INPP4B: variants seen among roughly 807,000 people sequenced by gnomAD.
The protein encoded by INPP4B is inositol polyphosphate-4-phosphatase type II B.
In INPP4B, 55 loss-of-function variants were observed where a neutral mutation model predicts 122.5. The ratio of observed to expected loss-of-function variants is 0.45; its 90% CI spans 0.36 to 0.56. The LOEUF (loss-of-function observed/expected upper bound fraction) is 0.56. Among genes scored for constraint, INPP4B ranks in the 20% least tolerant of loss-of-function variants. The pLI is 0.00. For synonymous variants in INPP4B, 403 were observed against 388.7 expected, an observed-to-expected ratio of 1.04 and a Z score of -0.43; for missense variants, 1,000 against 1,097.7, an observed-to-expected ratio of 0.91 and a Z score of 1.26.
chr4:142,596,842 T>C (rs1738822415), intron 2 of INPP4B, among the ~76,000 whole-genome samples: 1 of 152,194 alleles, frequency 6.6e-6, no homozygotes, highest in Non-Finnish European at 1.5e-5. Flanking sequence ...AGGCTTAGTT[T>C]GTAACAAGTC....
At chr4:142,299,873 G>A (rs1194723164) in intron 9 of INPP4B, among the ~76,000 whole-genome samples, 2 of 151,682 alleles carry the variant, frequency 1.3e-5, no homozygotes, top group Middle Eastern at 3.4e-3. Context: ...GACTATTAAG[G>A]GGCTTGGATA....
intron 2 of INPP4B, among the ~76,000 whole-genome samples, chr4:142,486,092 A>G (rs1015921694): frequency 6.6e-6 from 1 of 152,176 alleles, no homozygotes; most frequent in African/African-American, 2.4e-5. Context: ...TCACAAGAGG[A>G]AAGGATCCTA....
intron 18 of INPP4B, among the ~76,000 whole-genome samples, chr4:142,134,797 C>CAAA (rs58297348): frequency 9.8e-5 from 5 of 51,270 alleles, no homozygotes; most frequent in East Asian, 7.5e-4. Flanking sequence ...AACTCTGTCT[C>CAAA]AAAAAAAAAA....
chr4:142,840,877 C>A (rs952771317), intron 1 of INPP4B, among the ~76,000 whole-genome samples: 3 of 151,830 alleles, frequency 2.0e-5, no homozygotes, highest in Admixed American at 6.6e-5. Context: ...GAGATAAATG[C>A]AATGACATAT....
chr4:142,440,114 T>A (rs1346364565), intron 3 of INPP4B, among the ~76,000 whole-genome samples: 1 of 152,184 alleles, frequency 6.6e-6, no homozygotes, highest in African/African-American at 2.4e-5. Flanking sequence ...GATAAATCTA[T>A]TCATCCATTT....
At chr4:142,381,999 T>G (rs1287689381) in intron 7 of INPP4B, among the ~76,000 whole-genome samples, 1 of 152,170 alleles carries the variant, frequency 6.6e-6, no homozygotes, top group East Asian at 1.9e-4. Flanking sequence ...TTAAAATTCC[T>G]TGGCTATTCT....
chr4:142,117,429 C>A (rs1263409690), intron 21 of INPP4B, among the ~76,000 whole-genome samples: 4 of 152,124 alleles, frequency 2.6e-5, no homozygotes, highest in African/African-American at 9.7e-5. Context: ...TACTGGCAAA[C>A]CGAATCCAGC....
chr4:142,298,778 ACTT>A (rs1048033756), intron 9 of INPP4B, among the ~76,000 whole-genome samples: 8 of 151,930 alleles, frequency 5.3e-5, no homozygotes, highest in African/African-American at 9.7e-5. Context: ...TATCACGAAC[ACTT>A]CTTCTCAATA....
intron 7 of INPP4B, among the ~76,000 whole-genome samples, chr4:142,343,575 T>C (rs910620789): frequency 6.6e-6 from 1 of 152,118 alleles, no homozygotes; most frequent in Admixed American, 6.5e-5. Flanking sequence ...GCCTGTTTTT[T>C]CTTTTTACAT....
intron 14 of INPP4B, among the ~76,000 whole-genome samples, chr4:142,195,913 A>T (rs1456623493): frequency 1.3e-5 from 2 of 152,172 alleles, no homozygotes; most frequent in African/African-American, 4.8e-5. Flanking sequence ...TTTACGGTGA[A>T]TCTGTGTCTT....
intron 11 of INPP4B, among the ~76,000 whole-genome samples, chr4:142,240,333 C>G (rs190531042): frequency 6.6e-6 from 1 of 152,144 alleles, no homozygotes; most frequent in South Asian, 2.1e-4. Context: ...CAAGCCACCA[C>G]GCCTGGCCTT....
chr4:142,736,191 A>G (rs78859409), intron 1 of INPP4B, among the ~76,000 whole-genome samples: 4,133 of 152,266 alleles, frequency 0.027, 76 homozygotes, highest in Middle Eastern at 0.095. Flanking sequence ...CAACAAGAGC[A>G]CCAGATGATC....
chr4:142,638,542 T>TTC (rs1452767884), intron 2 of INPP4B, among the ~76,000 whole-genome samples: 1 of 94,966 alleles, frequency 1.1e-5, no homozygotes. Context: ...TAGTTGTCTA[T>TTC]TCTCTTTTTT....
intron 2 of INPP4B, among the ~76,000 whole-genome samples, chr4:142,463,668 A>AG (rs1327824616): frequency 6.6e-6 from 1 of 152,006 alleles, no homozygotes; most frequent in Non-Finnish European, 1.5e-5. Context: ...ACCTGGTGGG[A>AG]GGTAATTGAA....
chr4:142,239,471 C>A (rs1858218486), intron 11 of INPP4B, among the ~76,000 whole-genome samples: 1 of 152,034 alleles, frequency 6.6e-6, no homozygotes, highest in Admixed American at 6.6e-5. Flanking sequence ...TAAATTTTGT[C>A]AATTTGGTTG....
chr4:142,647,120 CATAA>C (rs573819832), intron 2 of INPP4B, among the ~76,000 whole-genome samples: 151 of 151,990 alleles, frequency 9.9e-4, no homozygotes, highest in Non-Finnish European at 1.5e-3. Flanking sequence ...AAATTAAGAG[CATAA>C]ATAAAGATGC....
chr4:142,515,476 A>C (rs759802062), intron 2 of INPP4B, among the ~76,000 whole-genome samples: 20 of 152,214 alleles, frequency 1.3e-4, no homozygotes, highest in South Asian at 6.2e-4. Context: ...TTCAGAGAAG[A>C]CTGTCTTGAA....
chr4:142,369,845 T>A (rs964282060), intron 7 of INPP4B, among the ~76,000 whole-genome samples: 1 of 149,820 alleles, frequency 6.7e-6, no homozygotes, highest in African/African-American at 2.5e-5. Flanking sequence ...GCAGAAGAAT[T>A]GCTTGAACCC....
intron 2 of INPP4B, among the ~76,000 whole-genome samples, chr4:142,619,202 AG>A (rs1460477190): frequency 6.6e-6 from 1 of 152,078 alleles, no homozygotes; most frequent in Non-Finnish European, 1.5e-5. Context: ...AATTAAAAAT[AG>A]AAATACTATA....
Sources: gnomAD v4.1 joint callset for allele counts (sites outside exome capture counted in the v4.1 genomes callset) on GRCh38, gnomAD v4.1.1 for gene constraint, MANE v1.5 for transcripts, NCBI Gene and HGNC (gene_info 2026-07-23, HGNC 2026-07-21) for gene names.